The following ADRA1B variants were observed in gnomAD, a reference collection of about 807,000 sequenced individuals.
ADRA1B encodes alpha-1B adrenergic receptor.
In ADRA1B, 17 loss-of-function variants were observed where a neutral mutation model predicts 17.9. The ratio of observed to expected loss-of-function variants is 0.95; its 90% CI spans 0.65 to 1.42. ADRA1B has a LOEUF of 1.42. ADRA1B is among the 40% of genes most tolerant of loss of function. The probability of loss-of-function intolerance (pLI) is 0.00; values close to 1 mark genes in which losing one functional copy is unlikely to be tolerated. For synonymous variants in ADRA1B, 366 were observed against 327.6 expected (o/e 1.12, Z -1.27); for missense variants, 681 against 722.1 (o/e 0.94, Z 0.65).
intron 1 of ADRA1B, among the ~76,000 whole-genome samples, chr5:159,891,348 A>G (rs901737281): frequency 6.6e-5 from 10 of 152,162 alleles, no homozygotes; most frequent in Admixed American, 6.5e-5. Flanking sequence ...TGGCTTGAAA[A>G]TCACTTACAC....
chr5:159,887,683 A>G (rs1420216628), intron 1 of ADRA1B, among the ~76,000 whole-genome samples: 1 of 152,240 alleles, frequency 6.6e-6, no homozygotes, highest in African/African-American at 2.4e-5. Flanking sequence ...ACTTCGGTTT[A>G]CATGAAGCTA....
chr5:159,881,453 A>G (rs1232244078), intron 1 of ADRA1B, among the ~76,000 whole-genome samples: 2 of 151,844 alleles, frequency 1.3e-5, no homozygotes, highest in East Asian at 1.9e-4. Flanking sequence ...TCTATTGCAC[A>G]TGGCTCAACA....
At chr5:159,941,117 A>C (rs1755113729) in intron 1 of ADRA1B, among the ~76,000 whole-genome samples, 1 of 152,228 alleles carries the variant, frequency 6.6e-6, no homozygotes. Context: ...GAGAATAAGT[A>C]CTGTGCTATC....
upstream of ADRA1B, among the ~76,000 whole-genome samples, chr5:159,911,764 A>T (rs2113135138): frequency 6.6e-6 from 1 of 152,256 alleles, no homozygotes; most frequent in East Asian, 1.9e-4. Flanking sequence ...CCCCACCCAG[A>T]AGAAAGAATG....
chr5:159,950,092 C>T (rs1034909651), intron 1 of ADRA1B, among the ~76,000 whole-genome samples: 8 of 152,154 alleles, frequency 5.3e-5, no homozygotes. Context: ...GCACGTGCTC[C>T]CTGGGAGGAA....
the ADRA1B span, among the ~76,000 whole-genome samples, chr5:159,984,276 G>T: frequency 2.0e-5 from 3 of 151,942 alleles, no homozygotes; most frequent in African/African-American, 7.3e-5. Flanking sequence ...CTTTTCATAG[G>T]CATCTCAAAC....
intron 1 of ADRA1B, among the ~76,000 whole-genome samples, chr5:159,970,988 G>A (rs1431724935): frequency 6.6e-6 from 1 of 152,164 alleles, no homozygotes; most frequent in African/African-American, 2.4e-5. Flanking sequence ...CTTTTGTAGA[G>A]ATGGGGTCCC....
At chr5:159,941,904 A>T (rs1423816479) in intron 1 of ADRA1B, among the ~76,000 whole-genome samples, 1 of 150,966 alleles carries the variant, frequency 6.6e-6, no homozygotes, top group African/African-American at 2.4e-5. Context: ...ATGACTGCTA[A>T]TGGGTACTGG....
At chr5:159,880,061 C>A (rs942189133) in intron 1 of ADRA1B, among the ~76,000 whole-genome samples, 7 of 152,094 alleles carry the variant, frequency 4.6e-5, no homozygotes, top group Non-Finnish European at 1.0e-4. Context: ...GAGATGCATT[C>A]CTCATACATA....
intron 1 of ADRA1B, among the ~76,000 whole-genome samples, chr5:159,927,301 A>G (rs1754683076): frequency 6.6e-6 from 1 of 151,908 alleles, no homozygotes; most frequent in African/African-American, 2.4e-5. Flanking sequence ...TATTCCAGTG[A>G]CTTTATAGCA....
At chr5:159,908,615 T>C (rs896389140) in intron 1 of ADRA1B, among the ~76,000 whole-genome samples, 3 of 152,204 alleles carry the variant, frequency 2.0e-5, no homozygotes, top group Non-Finnish European at 4.4e-5. Context: ...ATGTTTCTTG[T>C]ACAGCCCCAA....
chr5:159,967,545 A>G (rs918819040), intron 1 of ADRA1B, among the ~76,000 whole-genome samples: 1 of 152,190 alleles, frequency 6.6e-6, no homozygotes, highest in African/African-American at 2.4e-5. Context: ...TGACATAGAT[A>G]TTGTCCCCAT....
At chr5:159,903,461 G>A (rs1754124652) in intron 1 of ADRA1B, among the ~76,000 whole-genome samples, 1 of 152,140 alleles carries the variant, frequency 6.6e-6, no homozygotes, top group African/African-American at 2.4e-5. Flanking sequence ...TTATTAGTAG[G>A]AGTAGTGGTA....
chr5:159,957,366 TG>T (rs1755573744), intron 1 of ADRA1B, among the ~76,000 whole-genome samples: 1 of 151,480 alleles, frequency 6.6e-6, no homozygotes, highest in African/African-American at 2.4e-5. Context: ...ATTAGCTGGG[TG>T]CCATTGTGCG....
intron 1 of ADRA1B, among the ~76,000 whole-genome samples, chr5:159,943,496 T>A (rs1339448780): frequency 6.6e-6 from 1 of 152,076 alleles, no homozygotes; most frequent in Non-Finnish European, 1.5e-5. Flanking sequence ...CACATGAATG[T>A]CCCTAACTCC....
intron 1 of ADRA1B, among the ~76,000 whole-genome samples, chr5:159,902,856 G>A (rs1754117804): frequency 6.6e-6 from 1 of 152,208 alleles, no homozygotes; most frequent in Non-Finnish European, 1.5e-5. Context: ...CTTTGCTGGT[G>A]GGAGGTGAGA....
At chr5:159,898,860 T>C (rs1443990360) in intron 1 of ADRA1B, among the ~76,000 whole-genome samples, 1 of 152,152 alleles carries the variant, frequency 6.6e-6, no homozygotes, top group African/African-American at 2.4e-5. Context: ...TGAAAACTAG[T>C]GGAGGCCAGG....
chr5:159,882,025 A>G (rs1753868620), intron 1 of ADRA1B, among the ~76,000 whole-genome samples: 1 of 152,150 alleles, frequency 6.6e-6, no homozygotes, highest in Non-Finnish European at 1.5e-5. Flanking sequence ...ATCTCTGGAA[A>G]CACAGAAGGT....
At chr5:159,884,117 A>G (rs1194352706) in intron 1 of ADRA1B, among the ~76,000 whole-genome samples, 1 of 152,198 alleles carries the variant, frequency 6.6e-6, no homozygotes, top group Non-Finnish European at 1.5e-5. Flanking sequence ...AAAAAGAAAA[A>G]AATCAAATCA....
Sources: allele counts gnomAD v4.1 joint callset (sites outside exome capture counted in the v4.1 genomes callset), GRCh38; gene constraint gnomAD v4.1.1; transcripts MANE v1.5; gene names NCBI Gene and HGNC (gene_info 2026-07-23, HGNC 2026-07-21).